The following GNAS variants were observed in gnomAD, a reference collection of about 807,000 sequenced individuals.
GNAS encodes the protein protein ALEX.
Under a neutral mutation model 54.5 loss-of-function variants are expected in GNAS, and 8 were observed. The observed-to-expected ratio is 0.15, with a 90% confidence interval of 0.09 to 0.26. GNAS has a LOEUF of 0.26. GNAS is among the 10% of genes least tolerant of loss of function. The probability of loss-of-function intolerance (pLI) is 1.00; values close to 1 mark genes in which losing one functional copy is unlikely to be tolerated. For synonymous variants in GNAS, 204 were observed against 191.4 expected, an observed-to-expected ratio of 1.07 and a Z score of -0.54; for missense variants, 170 against 529.8, an observed-to-expected ratio of 0.32 and a Z score of 6.67.
intron 1 of GNAS, among the ~76,000 whole-genome samples, chr20:58,842,711 T>A (rs966650371): frequency 2.0e-5 from 3 of 152,254 alleles, no homozygotes; most frequent in African/African-American, 7.2e-5. Context: ...GTTGGCTTTC[T>A]GTGACATTAA....
At chr20:58,889,233 C>T (rs1278364573), upstream of GNAS, 5 of 1,188,402 alleles carry the variant, frequency 4.2e-6, no homozygotes, top group African/African-American at 8.3e-5. Flanking sequence ...CGGCGCGGCG[C>T]TCCCCTGCTC....
At chr20:58,879,239 C>T (rs2088058711) in intron 1 of GNAS, among the ~76,000 whole-genome samples, 3 of 152,130 alleles carry the variant, frequency 2.0e-5, no homozygotes, top group Non-Finnish European at 2.9e-5. Context: ...AAGCAAGCCT[C>T]CAAGCCACTT....
rs2146274848 is a variant in GNAS at position 58,909,465 on chromosome 20, T to A, written c.659+42T>A. 6.2e-7 allele frequency: 1 copy of A among 1,609,996 alleles called. No homozygotes were observed. Among genetic ancestry groups the A allele is most frequent in the Non-Finnish European group, 8.5e-7 (1 of 1,176,216 alleles). ...CTTTTTATATAACAGAGATCATGGT[T>A]TCTTGACATTCACCCCAGTCCCTCT... On this transcript the variant is annotated intron_variant, in intron 8 of 12. Coordinates refer to ENST00000371085, the MANE Select transcript of GNAS (RefSeq NM_000516.7). The surrounding 1 kb of genome is among the most constrained non-coding windows in gnomAD (Gnocchi z 7.3).
rs769315068 is a variant in GNAS, at chr20:58,841,489, C to T, written c.43+603C>T. 9.1e-6 allele frequency: 9 copies of T among 991,438 alleles called. No individual in the cohort carries two copies. The highest frequency in any genetic ancestry group is 1.1e-5 in the Non-Finnish European group (9 of 834,180). 61.4% of individuals were successfully genotyped at this position (991,438 alleles called of 1,614,324 possible). A position where few individuals can be genotyped will look rare whatever the true frequency, so the allele number is the denominator to read the frequency against. The stretch of plus-strand genomic sequence containing the variant: ...CAGAGCCGGAGCCCAGGTCCCAGAG[C>T]TGACAATTAAGCCGCGGGACCTCCG... On this transcript the variant is annotated intron_variant, in intron 1 of 12. Coordinates refer to the GNAS transcript ENST00000306090. This position sits in a 1 kb window ranked among gnomAD's most constrained non-coding sequence, Gnocchi z 5.0.
At chr20:58,890,318 C>T (rs2089057422), upstream of GNAS, among the ~76,000 whole-genome samples, 1 of 148,028 alleles carries the variant, frequency 6.8e-6, no homozygotes, top group African/African-American at 2.6e-5. Context: ...TCGGGGGCGC[C>T]GAGGAGGGCG....
At chr20:58,889,524 A>G (rs2145860517), upstream of GNAS, 1 of 192,638 alleles carries the variant, frequency 5.2e-6, no homozygotes, top group South Asian at 1.8e-4. Flanking sequence ...GGCGTGCCCA[A>G]GAGCCAAACC....
At chr20:58,847,762 C>T (rs1340388999) in intron 1 of GNAS, among the ~76,000 whole-genome samples, 1 of 152,192 alleles carries the variant, frequency 6.6e-6, no homozygotes, top group Non-Finnish European at 1.5e-5. Context: ...ACCTCCCTTC[C>T]CTCTCTCTAC....
In GNAS at chr20:58,857,301, C is replaced by T. The variant is rs1486744198; in HGVS notation, c.43+16415C>T. The T allele has an allele frequency of 2.0e-5, 3 of 152,166 alleles. No homozygotes were observed. The highest frequency in any genetic ancestry group is 2.9e-5 in the Non-Finnish European group (2 of 68,028). 9.4% of individuals were successfully genotyped at this position (152,166 alleles called of 1,614,324 possible). ...GGTAGATCATGACATTGTCATTTAC[C>T]TAAAGACATATAATATGGTCGTTGT... On this transcript the variant is annotated intron_variant, in intron 1 of 12. Transcript: ENST00000306090. This position sits in a 1 kb window ranked among gnomAD's most constrained non-coding sequence, Gnocchi z 4.1.
intron 1 of GNAS, chr20:58,851,013 G>C (rs1180008794): frequency 2.5e-6 from 1 of 398,074 alleles, no homozygotes; most frequent in Non-Finnish European, 4.4e-6. Flanking sequence ...GCTGGGGTCG[G>C]AGGGGAGTGA....
intron 1 of GNAS, among the ~76,000 whole-genome samples, chr20:58,874,573 C>T (rs543179996): frequency 4.6e-5 from 7 of 152,046 alleles, no homozygotes; most frequent in African/African-American, 1.5e-4. Flanking sequence ...GGCTGGCCCC[C>T]GTCTTAGCTC....
intron 1 of GNAS, among the ~76,000 whole-genome samples, chr20:58,879,398 C>G (rs1003556536): frequency 2.6e-5 from 4 of 152,198 alleles, no homozygotes; most frequent in Admixed American, 2.6e-4. Context: ...GTAATTCTTC[C>G]TACTATTCAT....
At chr20:58,888,051 C>T (rs909764593), upstream of GNAS, among the ~76,000 whole-genome samples, 5 of 152,180 alleles carry the variant, frequency 3.3e-5, no homozygotes, top group African/African-American at 9.7e-5. Flanking sequence ...TGGTATCAGC[C>T]GCCCCATACC....
intron 1 of GNAS, chr20:58,855,423 G>A: frequency 2.6e-6 from 3 of 1,150,454 alleles, no homozygotes; most frequent in Non-Finnish European, 2.6e-6. Flanking sequence ...TAGGGGCTCC[G>A]CAGTGGGAGG....
chr20:58,891,406 G>GGCGGCAGCGGCGGCA (rs1470305457), upstream of GNAS: 1 of 279,602 alleles, frequency 3.6e-6, no homozygotes, highest in Admixed American at 6.7e-5. Context: ...GAGCGGCGGC[G>GGCGGCAGCGGCGGCA]GCGGCAGCGG....
At chr20:58,855,314 G>C in intron 1 of GNAS, 1 of 1,574,652 alleles carries the variant, frequency 6.4e-7, no homozygotes, top group Non-Finnish European at 8.6e-7. Flanking sequence ...ACATGTGTAC[G>C]CACCGCCTGC....
At chr20:58,854,026 A>G (rs2086304400) in intron 1 of GNAS, 1 of 1,611,422 alleles carries the variant, frequency 6.2e-7, no homozygotes, top group South Asian at 1.1e-5. Flanking sequence ...GGCAGCAGCC[A>G]GTTCGCGGCA....
intron 1 of GNAS, chr20:58,852,999 G>A: frequency 1.6e-6 from 2 of 1,268,524 alleles, no homozygotes; most frequent in Non-Finnish European, 2.0e-6. Context: ...CCAAGGAAGA[G>A]GGGCTGGGGG....
At position 58,909,653 on chromosome 20, in the gene GNAS, C is replaced by T. The variant is rs199778817; in HGVS notation, c.719-31C>T. 23 of 1,614,012 alleles carry T rather than the reference C, an allele frequency of 1.4e-5. No homozygotes were observed. Among genetic ancestry groups the T allele is most frequent in the Middle Eastern group, 3.3e-4 (2 of 6,084 alleles). ...GTTGTTAGGGATCAGGGTCGCTGCT[C>T]ACGCTCTTGGCTTTGCTCTCTTTGG... On this transcript the variant is annotated intron_variant, in intron 9 of 12. Coordinates refer to ENST00000371085, the MANE Select transcript of GNAS (RefSeq NM_000516.7). The surrounding 1 kb of genome is among the most constrained non-coding windows in gnomAD (Gnocchi z 7.3).
intron 6 of GNAS, among the ~76,000 whole-genome samples, chr20:58,907,387 C>G (rs2091137931): frequency 6.6e-6 from 1 of 152,124 alleles, no homozygotes; most frequent in Non-Finnish European, 1.5e-5. Context: ...CTCAAAAGTT[C>G]GAACCAAAAG....
Sources: allele counts gnomAD v4.1 joint callset (sites outside exome capture counted in the v4.1 genomes callset), GRCh38; gene constraint gnomAD v4.1.1; non-coding constraint Gnocchi (gnomAD v3.1); transcripts MANE v1.5; gene names NCBI Gene and HGNC (gene_info 2026-07-23, HGNC 2026-07-21).